Variants in DISC1 observed in about 807,000 individuals in gnomAD.
The protein encoded by DISC1 is disrupted in schizophrenia 1 protein.
In DISC1, 57 loss-of-function variants were observed where a neutral mutation model predicts 84.5. The ratio of observed to expected loss-of-function variants is 0.67; its 90% confidence interval spans 0.55 to 0.84. The LOEUF (loss-of-function observed/expected upper bound fraction) is 0.84. DISC1 is among the 40% of genes least tolerant of loss of function. The probability of loss-of-function intolerance (pLI) is 0.00; values close to 1 mark genes in which losing one functional copy is unlikely to be tolerated. For missense variants in DISC1, 1,000 were observed against 1,057.8 expected, an observed-to-expected ratio of 0.95 and a Z score of 0.76; for synonymous variants, 411 against 415.2, an observed-to-expected ratio of 0.99 and a Z score of 0.12.
chr1:231,698,361 A>C lies in DISC1; in HGVS notation c.1047+3556A>C, dbSNP rs1225969093. 6.6e-6 allele frequency among the ~76,000 whole-genome samples: 1 copy of C among 152,204 alleles called. No homozygotes were observed. Among genetic ancestry groups the C allele is most frequent in the Non-Finnish European group, 1.5e-5 (1 of 68,032 alleles). ...GCTTAGCGAGATTTCCAGGGGTTGC[A>C]TGGGACTGAGAAGATGGTAATAAAG... On this transcript the variant is annotated intron_variant, in intron 2 of 12. Transcript: ENST00000439617. The surrounding 1 kb of genome is among the most constrained non-coding windows in gnomAD (Gnocchi z 4.9).
intron 12 of DISC1, among the ~76,000 whole-genome samples, chr1:232,034,849 A>G (rs1408451830): frequency 2.6e-5 from 4 of 152,112 alleles, no homozygotes; most frequent in Non-Finnish European, 5.9e-5. Flanking sequence ...TATGTTTTCA[A>G]TAAAGATTAG....
At chr1:231,867,379 C>T (rs1329913713) in intron 9 of DISC1, among the ~76,000 whole-genome samples, 3 of 152,152 alleles carry the variant, frequency 2.0e-5, no homozygotes, top group Admixed American at 2.0e-4. Context: ...AGAACTGGGG[C>T]TGATTCGTGG....
At chr1:232,003,030 C>A (rs1772700) in intron 10 of DISC1, among the ~76,000 whole-genome samples, 43,361 of 151,870 alleles carry the variant, frequency 0.29, 6,445 homozygotes, top group African/African-American at 0.33. Context: ...TCTCTATACT[C>A]TTTCTTACAA....
Position 231,765,319 on chromosome 1 carries a change from G to C in DISC1, c.1269-1821G>C, listed in dbSNP as rs145575426. Among the ~76,000 whole-genome samples the C allele has an allele frequency of 1.1e-3, 161 of 151,806 alleles. 1 individual carries two copies. Among genetic ancestry groups the C allele is most frequent in the Non-Finnish European group, 2.4e-4 (16 of 67,964 alleles). The stretch of plus-strand genomic sequence containing the variant: ...GGTCTCAAATTCCTAGGCTCAAGCA[G>C]TTCTCTGCCTTGGCCTCCCAGGTAG... On this transcript the variant is annotated intron_variant, in intron 4 of 12. Coordinates refer to ENST00000439617, the MANE Select transcript of DISC1 (RefSeq NM_018662.3).
At chr1:231,669,416 C>A (rs1187734591) in intron 1 of DISC1, among the ~76,000 whole-genome samples, 2 of 152,064 alleles carry the variant, frequency 1.3e-5, no homozygotes, top group African/African-American at 4.8e-5. Context: ...GCAGAAAAAA[C>A]TATCAACACA....
chr1:231,980,583 A>G (rs1477958307), intron 10 of DISC1, among the ~76,000 whole-genome samples: 1 of 152,204 alleles, frequency 6.6e-6, no homozygotes, highest in Non-Finnish European at 1.5e-5. Flanking sequence ...CTATGTTACT[A>G]TGTGATAATT....
chr1:231,856,841 C>A (rs1350748319), intron 9 of DISC1, among the ~76,000 whole-genome samples: 8 of 152,098 alleles, frequency 5.3e-5, no homozygotes, highest in Non-Finnish European at 1.2e-4. Context: ...CAAGATGGGG[C>A]CTACTGAGAT....
intron 9 of DISC1, among the ~76,000 whole-genome samples, chr1:231,846,075 A>AGATTATACCTGAAG (rs1367336204): frequency 6.6e-6 from 1 of 152,128 alleles, no homozygotes; most frequent in Non-Finnish European, 1.5e-5. Context: ...AAGCAGCAAC[A>AGATTATACCTGAAG]GATTATACCT....
intron 4 of DISC1, among the ~76,000 whole-genome samples, chr1:231,764,773 A>G (rs2076035794): frequency 6.6e-6 from 1 of 152,246 alleles, no homozygotes; most frequent in South Asian, 2.1e-4. Context: ...CCCAAGTTAT[A>G]TTTAATTTTA....
intron 6 of DISC1, among the ~76,000 whole-genome samples, chr1:231,782,865 A>G (rs1039705318): frequency 6.6e-6 from 1 of 152,002 alleles, no homozygotes; most frequent in African/African-American, 2.4e-5. Flanking sequence ...TCACTTGAAC[A>G]TGGGAGGTGG....
chr1:231,907,087 C>CT (rs2088755956), intron 9 of DISC1, among the ~76,000 whole-genome samples: 1 of 76,444 alleles, frequency 1.3e-5, no homozygotes, highest in African/African-American at 4.9e-5. Context: ...CCCTTCCTTC[C>CT]TTCCCTCCCT....
chr1:232,019,564 T>G (rs1668764552), intron 11 of DISC1, among the ~76,000 whole-genome samples: 1 of 152,286 alleles, frequency 6.6e-6, no homozygotes, highest in Non-Finnish European at 1.5e-5. Context: ...TCTTGCAGGC[T>G]TTCTCTTTTT....
At chr1:231,651,432 T>C (rs936751541) in intron 1 of DISC1, among the ~76,000 whole-genome samples, 1 of 152,188 alleles carries the variant, frequency 6.6e-6, no homozygotes, top group Non-Finnish European at 1.5e-5. Flanking sequence ...ACAGTAAATA[T>C]TGCTGCCTGA....
chr1:231,870,988 C>T (rs202148465), intron 9 of DISC1, among the ~76,000 whole-genome samples: 1 of 152,054 alleles, frequency 6.6e-6, no homozygotes, highest in African/African-American at 2.4e-5. Flanking sequence ...AATATGTACC[C>T]GCATTTTTCT....
At chr1:231,643,856 G>A (rs1191869441) in intron 1 of DISC1, among the ~76,000 whole-genome samples, 2 of 152,182 alleles carry the variant, frequency 1.3e-5, no homozygotes, top group Non-Finnish European at 2.9e-5. Context: ...TGGCCGAGGG[G>A]TGAATGGAGC....
chr1:232,014,547 T>C (rs200514234), intron 11 of DISC1, among the ~76,000 whole-genome samples: 58 of 152,356 alleles, frequency 3.8e-4, no homozygotes, highest in Non-Finnish European at 7.3e-5. Context: ...GGTTGGTTAA[T>C]TAAAAAGTCA....
intron 9 of DISC1, among the ~76,000 whole-genome samples, chr1:231,946,535 C>G (rs1657249735): frequency 6.6e-6 from 1 of 152,080 alleles, no homozygotes; most frequent in South Asian, 2.1e-4. Context: ...GAAAGCATTC[C>G]CTTTGAAAAC....
intron 3 of DISC1, among the ~76,000 whole-genome samples, chr1:231,736,481 A>G (rs936694553): frequency 6.6e-5 from 10 of 152,236 alleles, no homozygotes; most frequent in Admixed American, 1.3e-4. Context: ...GTGAAAGAAT[A>G]TACATATAGC....
chr1:231,680,554 T>C (rs942212618), intron 1 of DISC1, among the ~76,000 whole-genome samples: 5 of 152,140 alleles, frequency 3.3e-5, no homozygotes, highest in African/African-American at 1.2e-4. Flanking sequence ...GGAAAAAAAA[T>C]ACTGAATATC....
Sources: allele counts gnomAD v4.1 joint callset (sites outside exome capture counted in the v4.1 genomes callset), GRCh38; gene constraint gnomAD v4.1.1; non-coding constraint Gnocchi (gnomAD v3.1); transcripts MANE v1.5; gene names NCBI Gene and HGNC (gene_info 2026-07-23, HGNC 2026-07-21).